Variants in ABCB4 observed in about 807,000 individuals in gnomAD.
The protein encoded by ABCB4 is phosphatidylcholine translocator ABCB4.
ABCB4 carries 76 observed loss-of-function variants against 145.7 expected under a neutral mutation model. That is an observed-to-expected ratio of 0.52 (90% CI 0.43 to 0.63). The LOEUF is 0.63. Ranked by LOEUF, ABCB4 falls within the 30% of genes least tolerant of loss-of-function variation. The pLI, the probability that ABCB4 is intolerant of heterozygous loss-of-function variation, is 0.00. For missense variants in ABCB4, 1,234 were observed against 1,553.1 expected (o/e 0.79, Z 3.45); for synonymous variants, 517 against 566.8 (o/e 0.91, Z 1.25).
At chr7:87,391,728 G>GA in the ABCB4 span, 4 of 1,593,904 alleles carry the variant, frequency 2.5e-6, no homozygotes, top group Admixed American at 1.8e-5. Context: ...TATTGGAAAG[G>GA]AAAAAAACTC....
intron 14 of ABCB4, among the ~76,000 whole-genome samples, chr7:87,433,596 C>A (rs1439516420): frequency 6.7e-6 from 1 of 148,792 alleles, no homozygotes; most frequent in Non-Finnish European, 1.5e-5. Context: ...ACGTGTTCAT[C>A]AATTTAGAAG....
chr7:87,467,325 G>A (rs192094150), intron 3 of ABCB4, among the ~76,000 whole-genome samples: 32 of 152,240 alleles, frequency 2.1e-4, no homozygotes, highest in South Asian at 6.2e-4. Flanking sequence ...AATGGTAAAC[G>A]GATCAATTCA....
At chr7:87,405,407 G>T (rs2116331981) in intron 26 of ABCB4, among the ~76,000 whole-genome samples, 1 of 151,150 alleles carries the variant, frequency 6.6e-6, no homozygotes, top group Non-Finnish European at 1.5e-5. Context: ...GATCTTTATG[G>T]AGATGAGAAT....
At chr7:87,459,579 T>C (rs1337692078) in intron 4 of ABCB4, among the ~76,000 whole-genome samples, 2 of 152,134 alleles carry the variant, frequency 1.3e-5, no homozygotes. Flanking sequence ...GTAGAAGCCA[T>C]TTAAAATTTT....
intron 8 of ABCB4, 94 bp downstream of exon 8, chr7:87,449,874 A>T: frequency 1.9e-6 from 3 of 1,592,910 alleles, no homozygotes; most frequent in Non-Finnish European, 2.6e-6. Flanking sequence ...GGTTAATATT[A>T]GGAAAGGGAA....
the ABCB4 span, among the ~76,000 whole-genome samples, chr7:87,373,966 A>T: frequency 6.6e-6 from 1 of 152,142 alleles, no homozygotes. Flanking sequence ...ATTAGACTTA[A>T]ATAAAGCTAC....
At chr7:87,452,716 T>C in intron 6 of ABCB4, 1 of 589,400 alleles carries the variant, frequency 1.7e-6, no homozygotes, top group Non-Finnish European at 3.0e-6. Context: ...TAAACAGGTA[T>C]AAGATGTGAA....
intron 2 of ABCB4, among the ~76,000 whole-genome samples, chr7:87,474,243 A>G (rs1288934877): frequency 6.6e-6 from 1 of 152,226 alleles, no homozygotes; most frequent in Non-Finnish European, 1.5e-5. Context: ...AATGCCATCT[A>G]TTAATAGACT....
In ABCB4 at chr7:87,460,839, C is replaced by T. The variant is rs74529687; in HGVS notation, c.286+1919G>A. On this transcript the variant is annotated intron_variant, in intron 4 of 27. Coordinates refer to ENST00000649586, the MANE Select transcript of ABCB4 (RefSeq NM_000443.4). Reference sequence around the variant, plus strand: ...TATTCCATAAGAAATAGATTTTTAACTGAGGTGTCTTAATATGGGCATCAT... The same window carrying T: ...TATTCCATAAGAAATAGATTTTTAATTGAGGTGTCTTAATATGGGCATCAT... 6.6e-3 allele frequency among the ~76,000 whole-genome samples: 1,003 copies of T among 151,990 alleles called. 12 individuals are homozygous for T. Among genetic ancestry groups the T allele is most frequent in the African/African-American group, 0.023 (943 of 41,450 alleles).
intron 4 of ABCB4, among the ~76,000 whole-genome samples, chr7:87,457,163 A>G (rs1311231628): frequency 6.6e-6 from 1 of 152,080 alleles, no homozygotes; most frequent in African/African-American, 2.4e-5. Flanking sequence ...TCACACCTAT[A>G]ATTACAGCAC....
chr7:87,451,471 TA>T, intron 7 of ABCB4, 151 bp downstream of exon 7: 1 of 815,176 alleles, frequency 1.2e-6, no homozygotes, highest in Non-Finnish European at 1.9e-6. Context: ...TTAATTTCCT[TA>T]TGAAAGCATC....
At position 87,417,395 on chromosome 7, in the gene ABCB4, T is replaced by A; in HGVS notation, c.2599A>T (p.Ile867Phe). The A allele has an allele frequency of 6.2e-7, 1 of 1,614,112 alleles. No homozygotes were observed. Among genetic ancestry groups the A allele is most frequent in the Non-Finnish European group, 8.5e-7 (1 of 1,180,004 alleles). The change falls in exon 21 of 28, where the codon ATT becomes TTT. Residue 867 changes from isoleucine to phenylalanine, a missense_variant. Physicochemically the swap from Ile to Phe is conservative, Grantham distance 21. Coordinates refer to ENST00000649586, the MANE Select transcript of ABCB4 (RefSeq NM_000443.4). ...ATTTCAACAATTCCTGACACAGCAA[T>A]AATTGGAACAACTGCTAATAGCAAT... ...TLLLLAVVPI[I>F]AVSGIVEMKL...
intron 6 of ABCB4, 97 bp from the exon 7 acceptor site, chr7:87,451,891 C>T (rs1562988340): frequency 8.6e-7 from 1 of 1,156,174 alleles, no homozygotes; most frequent in Non-Finnish European, 1.3e-6. Flanking sequence ...AAAATTTGTT[C>T]ACTGACTGCA....
chr7:87,475,668 A>ACG lies in ABCB4; in HGVS notation c.-43_-42dup, dbSNP rs1002540514. On this transcript the variant is annotated 5_prime_UTR_variant, in exon 1 of 28. Coordinates refer to ENST00000649586, the MANE Select transcript of ABCB4 (RefSeq NM_000443.4). ...CGCGCGTGTCTGGCAGGGCCTCTGG[A>ACG]CGCGCGGGCGCTGCAGCAGAGGGGC... 3.3e-6 allele frequency: 2 copies of ACG among 611,944 alleles called. No individual in the cohort carries two copies. Among genetic ancestry groups the ACG allele is most frequent in the African/African-American group, 3.7e-5 (2 of 54,066 alleles). The allele number at this position is 611,944 out of a possible 1,614,324, so 37.9% of individuals were successfully genotyped here.
chr7:87,450,748 T>C (rs1487047325), intron 7 of ABCB4, among the ~76,000 whole-genome samples: 1 of 152,194 alleles, frequency 6.6e-6, no homozygotes, highest in East Asian at 1.9e-4. Context: ...TTTTAATTAC[T>C]ATAAAAACAA....
At chr7:87,388,805 A>G in the ABCB4 span, among the ~76,000 whole-genome samples, 1 of 152,372 alleles carries the variant, frequency 6.6e-6, no homozygotes, top group South Asian at 2.1e-4. Context: ...GAGCTTCTGC[A>G]CAGCAAATGA....
At chr7:87,384,731 G>T in the ABCB4 span, among the ~76,000 whole-genome samples, 1 of 152,116 alleles carries the variant, frequency 6.6e-6, no homozygotes, top group South Asian at 2.1e-4. Context: ...GATCCCATTC[G>T]TCCATTTCTG....
At chr7:87,462,078 T>C (rs1417804020) in intron 4 of ABCB4, among the ~76,000 whole-genome samples, 1 of 152,220 alleles carries the variant, frequency 6.6e-6, no homozygotes, top group Non-Finnish European at 1.5e-5. Flanking sequence ...TTCCTTTCTA[T>C]GTTGAATTTC....
chr7:87,422,193 C>A lies in ABCB4; in HGVS notation c.2244G>T (p.Gln748His). 1 of 1,613,672 alleles carries A rather than the reference C, an allele frequency of 6.2e-7. No homozygotes were observed. The highest frequency in any genetic ancestry group is 8.5e-7 in the Non-Finnish European group (1 of 1,179,694). ...TCAAAGAGAATATGTTGCACTTCTGCTGCTTCACTGCATCATCGCCTGGTC... is the reference window on the plus strand; with the variant it reads ...TCAAAGAGAATATGTTGCACTTCTGATGCTTCACTGCATCATCGCCTGGTC... ...IFGPGDDAVKQQKCNIFSLIF... is the reference protein window; with the variant it reads ...IFGPGDDAVKHQKCNIFSLIF... Residue 748 changes from glutamine to histidine, a missense_variant, in exon 18 of 28, where the codon CAG becomes CAT. Around this residue, in one of 7 missense-constraint regions of ABCB4, gnomAD observed 321 missense variants for 332.6 expected, o/e 0.97. Transcript: ENST00000649586.
Sources: gnomAD v4.1 joint callset for allele counts (sites outside exome capture counted in the v4.1 genomes callset) on GRCh38, gnomAD v4.1.1 for gene constraint, gnomAD v4.1.1 regional missense constraint, MANE v1.5 for transcripts, NCBI Gene and HGNC (gene_info 2026-07-23, HGNC 2026-07-21) for gene names.